LONP2: variants seen among roughly 807,000 people sequenced by gnomAD.
LONP2 encodes the protein lon protease homolog 2, peroxisomal.
A neutral mutation model predicts 85.6 loss-of-function variants in LONP2; 60 were observed. The observed-to-expected ratio is 0.70, with a 90% CI of 0.57 to 0.87. The LOEUF is 0.87. Among genes scored for constraint, LONP2 ranks in the 40% least tolerant of loss-of-function variants. LONP2 has a pLI of 0.00. For missense variants in LONP2, 860 were observed against 1,063.5 expected, an observed-to-expected ratio of 0.81 and a Z score of 2.66; for synonymous variants, 395 against 389.7, an observed-to-expected ratio of 1.01 and a Z score of -0.16.
chr16:48,268,959 ATCT>A (rs984293308), intron 6 of LONP2, among the ~76,000 whole-genome samples: 14 of 152,080 alleles, frequency 9.2e-5, no homozygotes, highest in Non-Finnish European at 1.9e-4. Flanking sequence ...TCTCTCTCCC[ATCT>A]TCTTCTTTCA....
chr16:48,285,589 G>T (rs1972422951), intron 8 of LONP2, among the ~76,000 whole-genome samples: 1 of 151,900 alleles, frequency 6.6e-6, no homozygotes. Context: ...CAAGTTCATT[G>T]ATTCTTTCTT....
intron 6 of LONP2, among the ~76,000 whole-genome samples, chr16:48,264,053 G>A (rs1034097674): frequency 4.6e-5 from 7 of 152,126 alleles, no homozygotes; most frequent in Non-Finnish European, 8.8e-5. Context: ...ACTTAACAGG[G>A]TAATAGAATA....
At chr16:48,350,214 T>C (rs987595341) in intron 14 of LONP2, among the ~76,000 whole-genome samples, 1 of 152,124 alleles carries the variant, frequency 6.6e-6, no homozygotes, top group African/African-American at 2.4e-5. Flanking sequence ...GGTGAAACCC[T>C]GTCTCTACTA....
chr16:48,246,338 T>G (rs1259508252), intron 1 of LONP2, among the ~76,000 whole-genome samples: 1 of 152,238 alleles, frequency 6.6e-6, no homozygotes, highest in East Asian at 1.9e-4. Context: ...AACATACGAC[T>G]CTGCTCCTTC....
chr16:48,292,018 A>T (rs1972566319), intron 8 of LONP2, among the ~76,000 whole-genome samples: 1 of 152,154 alleles, frequency 6.6e-6, no homozygotes, highest in African/African-American at 2.4e-5. Context: ...GAAATTTTAA[A>T]AGGTATGAGT....
At chr16:48,275,420 C>T (rs951779034) in intron 7 of LONP2, among the ~76,000 whole-genome samples, 5 of 152,018 alleles carry the variant, frequency 3.3e-5, no homozygotes, top group Non-Finnish European at 7.4e-5. Flanking sequence ...GGTAAGACCC[C>T]GTCTCTGTCA....
chr16:48,263,297 T>C (rs888569543), intron 6 of LONP2, among the ~76,000 whole-genome samples: 3 of 152,230 alleles, frequency 2.0e-5, no homozygotes, highest in Non-Finnish European at 2.9e-5. Flanking sequence ...CTAGAACTTA[T>C]TTATCTTGCA....
At position 48,351,879 on chromosome 16, in the gene LONP2, A is replaced by G. The variant is rs1180905445; in HGVS notation, c.*77A>G. The G allele has an allele frequency of 2.7e-6, 3 of 1,120,096 alleles. No homozygotes were observed. The highest frequency in any genetic ancestry group is 1.3e-6 in the Non-Finnish European group (1 of 759,962). 69.4% of individuals were successfully genotyped at this position (1,120,096 alleles called of 1,614,324 possible). On this transcript the variant is annotated 3_prime_UTR_variant, in exon 15 of 15. Transcript: ENST00000285737. The stretch of plus-strand genomic sequence containing the variant: ...TGACACAGTTGATTTTATTCACACC[A>G]TTAGGGGTATGCAAGATGTCCCTGT...
intron 11 of LONP2, among the ~76,000 whole-genome samples, chr16:48,312,936 C>G (rs1320428769): frequency 2.6e-5 from 4 of 152,156 alleles, no homozygotes; most frequent in African/African-American, 9.7e-5. Flanking sequence ...TGGGGTGAAG[C>G]CAGGCAGGCT....
At position 48,252,157 on chromosome 16, in the gene LONP2, A is replaced by G; in HGVS notation, c.260A>G (p.Gln87Arg). 6.2e-7 allele frequency: 1 copy of G among 1,600,742 alleles called. No individual in the cohort carries two copies. Among genetic ancestry groups the G allele is most frequent in the East Asian group, 2.2e-5 (1 of 44,524 alleles). The part of the protein sequence containing the change: ...HRIGTAALAV[Q>R]VVGSNWPKPH... Reference sequence around the variant, plus strand: ...ATTGGCACAGCTGCACTGGCCGTTCAGGTTGTGGGCAGTAACTGGCCCAAG... The same window carrying G: ...ATTGGCACAGCTGCACTGGCCGTTCGGGTTGTGGGCAGTAACTGGCCCAAG... The change falls in exon 2 of 15, where the codon CAG becomes CGG. Residue 87 changes from glutamine (Q) to arginine (R), a missense_variant. Physicochemically the swap from Gln to Arg is conservative, Grantham distance 43 (BLOSUM62 1). Transcript: ENST00000285737.
intron 6 of LONP2, among the ~76,000 whole-genome samples, chr16:48,267,656 G>C (rs145271454): frequency 0.014 from 2,077 of 150,454 alleles, 45 homozygotes; most frequent in African/African-American, 0.048. Flanking sequence ...TGCCCTGTCG[G>C]CCAGGCTGTA....
intron 11 of LONP2, among the ~76,000 whole-genome samples, chr16:48,315,963 A>ATTTTTTTTTTT (rs201723319): frequency 3.7e-5 from 4 of 107,646 alleles, no homozygotes; most frequent in African/African-American, 1.5e-4. Context: ...CCATATTGTA[A>ATTTTTTTTTTT]TTTTTTTTTT....
Position 48,355,209 on chromosome 16 carries a change from A to G in LONP2, c.*3407A>G, listed in dbSNP as rs1355667931. ...TATGCTAAGGTCTGAATGTCCCCCC[A>G]CCAAATTCGTATGTTGAAGCAACCA... On this transcript the variant is annotated 3_prime_UTR_variant, in exon 15 of 15. Transcript: ENST00000285737. 1.3e-5 allele frequency: 2 copies of G among 152,010 alleles called. No individual in the cohort carries two copies. Among genetic ancestry groups the G allele is most frequent in the Non-Finnish European group, 2.9e-5 (2 of 68,020 alleles). 9.4% of individuals were successfully genotyped at this position (152,010 alleles called of 1,614,324 possible).
rs1471557134 is a variant in LONP2 at position 48,350,854 on chromosome 16, A to T, written c.2338-727A>T. On this transcript the variant is annotated intron_variant, in intron 14 of 14. Transcript: ENST00000285737. Reference sequence around the variant, plus strand: ...TGGCAAATTGGTCCCATCTAGTGGCAGGAGGCCCCAGTTCCTCACCTGATG... The same window carrying T: ...TGGCAAATTGGTCCCATCTAGTGGCTGGAGGCCCCAGTTCCTCACCTGATG... Among the ~76,000 whole-genome samples the T allele has an allele frequency of 3.9e-5, 6 of 152,182 alleles. No homozygotes were observed. The East Asian group carries it at 1.2e-3, about 29-fold the overall frequency.
chr16:48,258,723 C>G lies in LONP2; in HGVS notation c.706C>G (p.Gln236Glu). ...KLLQKTRKPK[Q>E]DDDKRVIAIR... Reference sequence around the variant, plus strand: ...GCTTCAAAAAACCAGAAAACCCAAGCAAGATGATGATAAGAGGGTAAATAT... The same window carrying G: ...GCTTCAAAAAACCAGAAAACCCAAGGAAGATGATGATAAGAGGGTAAATAT... The change falls in exon 4 of 15, where the codon CAA becomes GAA. Residue 236 changes from glutamine to glutamate, a missense_variant. Physicochemically the swap from Gln to Glu is conservative, Grantham distance 29. Around this residue, in one of 3 missense-constraint regions of LONP2, gnomAD observed 743 missense variants for 917.3 expected, o/e 0.81. Transcript: ENST00000285737. 1 of 1,608,884 alleles carries G rather than the reference C, an allele frequency of 6.2e-7. No homozygotes were observed. Among genetic ancestry groups the G allele is most frequent in the Non-Finnish European group, 8.5e-7 (1 of 1,177,940 alleles).
At position 48,277,362 on chromosome 16, in the gene LONP2, T is replaced by G. The variant is rs750598249; in HGVS notation, c.1266T>G (p.Pro422=). The G allele has an allele frequency of 5.6e-6, 9 of 1,613,596 alleles. No homozygotes were observed. In the South Asian group the frequency reaches 9.9e-5, roughly 18 times the overall value. Residue 422 remains proline (P), a synonymous_variant, in exon 8 of 15, where the codon CCT becomes CCG. Transcript: ENST00000285737. ...GHRRTYVGSM[P]GRIINGLKTV... ...GGCGCACCTATGTTGGCAGCATGCC[T>G]GGTCGCATCATCAACGGCTTGAAGA... is the stretch of plus-strand genomic sequence containing the variant.
At chr16:48,257,066 C>G (rs929752871) in intron 3 of LONP2, among the ~76,000 whole-genome samples, 1 of 152,142 alleles carries the variant, frequency 6.6e-6, no homozygotes, top group Non-Finnish European at 1.5e-5. Context: ...AGTCCCAGCA[C>G]TTTGGGAGGC....
rs1971201958 is a variant in LONP2 at position 48,244,310 on chromosome 16, T to G, written c.-79T>G. On this transcript the variant is annotated 5_prime_UTR_variant, in exon 1 of 15. Coordinates refer to ENST00000285737, the MANE Select transcript of LONP2 (RefSeq NM_031490.5). Reference sequence around the variant, plus strand: ...CGGAGGCGTGGAGGCGGGTCTGAGGTTTGGTGACTGCGGGGCAGGCCGGGG... The same window carrying G: ...CGGAGGCGTGGAGGCGGGTCTGAGGGTTGGTGACTGCGGGGCAGGCCGGGG... 5 of 1,102,666 alleles carry G rather than the reference T, an allele frequency of 4.5e-6. No homozygotes were observed. The highest frequency in any genetic ancestry group is 1.7e-5 in the South Asian group (1 of 59,762). 68.3% of individuals were successfully genotyped at this position (1,102,666 alleles called of 1,614,324 possible). A position where few individuals can be genotyped will look rare whatever the true frequency, so the allele number is the denominator to read the frequency against.
At chr16:48,281,474 A>G (rs761077147) in intron 8 of LONP2, among the ~76,000 whole-genome samples, 7 of 152,206 alleles carry the variant, frequency 4.6e-5, no homozygotes, top group Non-Finnish European at 8.8e-5. Flanking sequence ...GAGTAGCACT[A>G]AAATATTAGA....
Sources: gnomAD v4.1 joint callset for allele counts (sites outside exome capture counted in the v4.1 genomes callset) on GRCh38, gnomAD v4.1.1 for gene constraint, gnomAD v4.1.1 regional missense constraint, MANE v1.5 for transcripts, NCBI Gene and HGNC (gene_info 2026-07-23, HGNC 2026-07-21) for gene names.